Variants in SYNPR observed in about 807,000 individuals in gnomAD.
The protein encoded by SYNPR is synaptoporin.
A neutral mutation model predicts 32.9 loss-of-function variants in SYNPR; 23 were observed. The observed-to-expected ratio is 0.70, with a 90% confidence interval of 0.50 to 0.99. The LOEUF (loss-of-function observed/expected upper bound fraction) is 0.99. SYNPR is among the 50% of genes least tolerant of loss of function. The probability of loss-of-function intolerance (pLI) is 0.00; values close to 1 mark genes in which losing one functional copy is unlikely to be tolerated. For missense variants in SYNPR, 318 were observed against 349.3 expected (o/e 0.91, Z 0.71); for synonymous variants, 146 against 135.9 (o/e 1.07, Z -0.52).
At chr3:63,345,303 AT>A (rs554896279) in intron 2 of SYNPR, among the ~76,000 whole-genome samples, 93 of 152,314 alleles carry the variant, frequency 6.1e-4, no homozygotes, top group African/African-American at 2.2e-3. Flanking sequence ...CATTCCTTCC[AT>A]AGTTAACTTG....
intron 4 of SYNPR, among the ~76,000 whole-genome samples, chr3:63,571,208 C>T (rs1269401731): frequency 6.6e-6 from 1 of 152,130 alleles, no homozygotes; most frequent in Non-Finnish European, 1.5e-5. Flanking sequence ...GGAAATCTAC[C>T]TAACCATGGG....
chr3:63,426,010 C>T (rs914069386), intron 2 of SYNPR, among the ~76,000 whole-genome samples: 5 of 152,022 alleles, frequency 3.3e-5, no homozygotes, highest in Non-Finnish European at 4.4e-5. Flanking sequence ...TGGTCTTGAA[C>T]TCCTGACCTT....
the SYNPR span, among the ~76,000 whole-genome samples, chr3:63,204,963 C>G: frequency 6.6e-6 from 1 of 152,182 alleles, no homozygotes; most frequent in African/African-American, 2.4e-5. Context: ...GCTGAGATTA[C>G]AGGCATGAGC....
chr3:63,237,605 G>A (rs767774042), intron 1 of SYNPR, among the ~76,000 whole-genome samples: 14 of 151,706 alleles, frequency 9.2e-5, no homozygotes, highest in Non-Finnish European at 1.8e-4. Flanking sequence ...TTAGTATGAC[G>A]GATGACTTTC....
At chr3:63,498,333 T>C (rs967559470) in intron 3 of SYNPR, among the ~76,000 whole-genome samples, 4 of 152,152 alleles carry the variant, frequency 2.6e-5, no homozygotes, top group African/African-American at 9.7e-5. Flanking sequence ...CCAGGAGCTG[T>C]TCTTGGTGCC....
chr3:63,405,344 C>A (rs928176031), intron 2 of SYNPR, among the ~76,000 whole-genome samples: 6 of 152,134 alleles, frequency 3.9e-5, no homozygotes, highest in African/African-American at 1.4e-4. Flanking sequence ...AAACCTTCTC[C>A]AAAGAAATGT....
chr3:63,549,470 C>T (rs1475319369), intron 3 of SYNPR, among the ~76,000 whole-genome samples: 1 of 152,196 alleles, frequency 6.6e-6, no homozygotes, highest in Non-Finnish European at 1.5e-5. Context: ...CTTCTAGCCA[C>T]ATGACCTCAG....
intron 2 of SYNPR, among the ~76,000 whole-genome samples, chr3:63,363,136 A>G (rs1337474287): frequency 6.6e-6 from 1 of 152,178 alleles, no homozygotes; most frequent in Non-Finnish European, 1.5e-5. Context: ...ATTATTTCCC[A>G]TAATTACCAC....
At chr3:63,326,630 G>T (rs542822014) in intron 2 of SYNPR, among the ~76,000 whole-genome samples, 1 of 152,112 alleles carries the variant, frequency 6.6e-6, no homozygotes, top group Non-Finnish European at 1.5e-5. Flanking sequence ...AAGCCCAGAA[G>T]CCAGATGCTG....
At chr3:63,248,450 G>A (rs941844977) in intron 1 of SYNPR, among the ~76,000 whole-genome samples, 9 of 152,010 alleles carry the variant, frequency 5.9e-5, no homozygotes. Flanking sequence ...GCTAATTTGG[G>A]TAAGAGATGC....
At chr3:63,462,520 T>C (rs1403567118) in intron 2 of SYNPR, among the ~76,000 whole-genome samples, 1 of 152,118 alleles carries the variant, frequency 6.6e-6, no homozygotes. Context: ...AAATAAAACC[T>C]TGAAGTCAGT....
chr3:63,276,624 C>CT (rs201520269), upstream of SYNPR, among the ~76,000 whole-genome samples: 7,177 of 143,750 alleles, frequency 0.05, 267 homozygotes, highest in Middle Eastern at 0.1. Context: ...GTTAGTTCCC[C>CT]CCACCCCTCC....
intron 2 of SYNPR, among the ~76,000 whole-genome samples, chr3:63,313,727 A>G (rs1396895772): frequency 6.9e-5 from 5 of 72,704 alleles, no homozygotes; most frequent in African/African-American, 1.7e-4. Flanking sequence ...CCATATATAT[A>G]TATCCATATA....
At chr3:63,298,462 TGTAATAGGG>T (rs55905338) in intron 2 of SYNPR, among the ~76,000 whole-genome samples, 69,002 of 151,548 alleles carry the variant, frequency 0.46, 15,800 homozygotes, top group Middle Eastern at 0.51. Context: ...ACCAGCGTGA[TGTAATAGGG>T]AATGAGACAA....
chr3:63,336,397 T>C (rs1350440184), intron 2 of SYNPR, among the ~76,000 whole-genome samples: 2 of 151,820 alleles, frequency 1.3e-5, no homozygotes, highest in East Asian at 1.9e-4. Context: ...ACTTTGTAGT[T>C]ACAAACGTGC....
chr3:63,386,152 G>A (rs539450021), intron 2 of SYNPR, among the ~76,000 whole-genome samples: 20 of 152,240 alleles, frequency 1.3e-4, no homozygotes, highest in African/African-American at 4.1e-4. Context: ...GTCCATGGGC[G>A]TCAGCATCAC....
At chr3:63,233,507 C>T (rs1189565981) in intron 1 of SYNPR, among the ~76,000 whole-genome samples, 1 of 152,128 alleles carries the variant, frequency 6.6e-6, no homozygotes, top group Non-Finnish European at 1.5e-5. Context: ...ATATGGATAC[C>T]ACTGCCATTA....
chr3:63,615,641 A>G lies in SYNPR; in HGVS notation c.*160A>G. 1 of 963,024 alleles carries G rather than the reference A, an allele frequency of 1.0e-6. No individual in the cohort carries two copies. Among genetic ancestry groups the G allele is most frequent in the Non-Finnish European group, 1.5e-6 (1 of 669,666 alleles). 59.7% of individuals were successfully genotyped at this position (963,024 alleles called of 1,614,324 possible). On this transcript the variant is annotated 3_prime_UTR_variant, in exon 6 of 6. Coordinates refer to ENST00000478300, the MANE Select transcript of SYNPR (RefSeq NM_001130003.2). ...AAGGCAGCAAGTCCTGGGTTGTGAA[A>G]AATGATACTTAGAGATGAGGCGACA... is the stretch of plus-strand genomic sequence containing the variant.
intron 2 of SYNPR, among the ~76,000 whole-genome samples, chr3:63,314,641 T>C (rs1363275871): frequency 6.6e-6 from 1 of 152,090 alleles, no homozygotes; most frequent in Non-Finnish European, 1.5e-5. Flanking sequence ...GTCAGATGAA[T>C]AGATTGTGAA....
Sources: allele counts gnomAD v4.1 joint callset (sites outside exome capture counted in the v4.1 genomes callset), GRCh38; gene constraint gnomAD v4.1.1; transcripts MANE v1.5; gene names NCBI Gene and HGNC (gene_info 2026-07-23, HGNC 2026-07-21).